Variants in NSUN7 observed in about 807,000 individuals in gnomAD.
The protein encoded by NSUN7 is protein NSUN7.
In NSUN7, 39 loss-of-function variants were observed where a neutral mutation model predicts 58.5. The observed-to-expected ratio is 0.67, with a 90% CI of 0.52 to 0.87. The LOEUF (loss-of-function observed/expected upper bound fraction) is 0.87. Ranked by LOEUF, NSUN7 falls within the 40% of genes least tolerant of loss-of-function variation. NSUN7 has a pLI of 0.00. For missense variants in NSUN7, 765 were observed against 844.1 expected (o/e 0.91, Z 1.16); for synonymous variants, 278 against 303.7 (o/e 0.92, Z 0.88).
chr4:40,804,046 T>C (rs917454935), intron 10 of NSUN7, among the ~76,000 whole-genome samples: 31 of 152,322 alleles, frequency 2.0e-4, no homozygotes, highest in African/African-American at 7.5e-4. Context: ...CCACTAATCA[T>C]AGATGCATGG....
At chr4:40,793,495 G>A (rs1328837416) in intron 8 of NSUN7, among the ~76,000 whole-genome samples, 1 of 152,088 alleles carries the variant, frequency 6.6e-6, no homozygotes, top group African/African-American at 2.4e-5. Flanking sequence ...AAAACCTCAT[G>A]AAATGTAAAA....
At chr4:40,764,633 T>A (rs1467061958) in intron 4 of NSUN7, among the ~76,000 whole-genome samples, 1 of 152,216 alleles carries the variant, frequency 6.6e-6, no homozygotes, top group African/African-American at 2.4e-5. Flanking sequence ...TTTCTAGTTC[T>A]AGATCCCTGA....
At chr4:40,804,132 T>G (rs1208266479) in intron 10 of NSUN7, among the ~76,000 whole-genome samples, 2 of 152,152 alleles carry the variant, frequency 1.3e-5, no homozygotes, top group Non-Finnish European at 2.9e-5. Flanking sequence ...AACAGCACAA[T>G]AAGAGGTTTT....
intron 9 of NSUN7, among the ~76,000 whole-genome samples, chr4:40,796,103 C>G (rs923250054): frequency 6.6e-6 from 1 of 152,198 alleles, no homozygotes; most frequent in East Asian, 1.9e-4. Flanking sequence ...CGTGGTGGCT[C>G]ATGCCTGTAA....
At position 40,790,580 on chromosome 4, in the gene NSUN7, ATTTTCTGTG is replaced by A; in HGVS notation, c.1037-17_1037-9del. The A allele has an allele frequency of 2.8e-6, 4 of 1,417,242 alleles. No individual in the cohort carries two copies. The South Asian group carries it at 5.0e-5, about 18-fold the overall frequency. 87.8% of individuals were successfully genotyped at this position (1,417,242 alleles called of 1,614,324 possible). A position where few individuals can be genotyped will look rare whatever the true frequency, so the allele number is the denominator to read the frequency against. ...ATTTTTCATTAATATTTTACATTAA[ATTTTCTGTG>A]TTTTTTCCCCAGATATTGAAATACT... On this transcript the variant is annotated splice_polypyrimidine_tract_variant and intron_variant, in intron 7 of 11. Coordinates refer to ENST00000381782, the MANE Select transcript of NSUN7 (RefSeq NM_024677.6).
At chr4:40,780,567 A>C (rs2154288004) in intron 7 of NSUN7, among the ~76,000 whole-genome samples, 1 of 151,716 alleles carries the variant, frequency 6.6e-6, no homozygotes, top group Non-Finnish European at 1.5e-5. Context: ...TGATTATGCC[A>C]CTGCGCTCTA....
intron 7 of NSUN7, among the ~76,000 whole-genome samples, chr4:40,782,833 A>G (rs1287347988): frequency 6.6e-6 from 1 of 152,186 alleles, no homozygotes; most frequent in East Asian, 1.9e-4. Context: ...ATGCCACTGC[A>G]CTCCAGCCTG....
intron 10 of NSUN7, among the ~76,000 whole-genome samples, 186 bp downstream of exon 10, chr4:40,799,090 T>TTTTG (rs1743460077): frequency 2.8e-5 from 4 of 141,274 alleles, no homozygotes; most frequent in African/African-American, 8.0e-5. Context: ...TTTTTTTTTT[T>TTTTG]TTTTTTTTTT....
At chr4:40,784,466 G>A (rs1336715502) in intron 7 of NSUN7, among the ~76,000 whole-genome samples, 3 of 152,226 alleles carry the variant, frequency 2.0e-5, no homozygotes, top group African/African-American at 7.2e-5. Flanking sequence ...TCCTAATGGT[G>A]CAAGATGGAT....
In NSUN7 at chr4:40,808,985, T is replaced by C; in HGVS notation, c.*46T>C. 6.9e-7 allele frequency: 1 copy of C among 1,455,936 alleles called. No homozygotes were observed. Among genetic ancestry groups the C allele is most frequent in the Non-Finnish European group, 9.0e-7 (1 of 1,106,562 alleles). The allele number at this position is 1,455,936 out of a possible 1,614,324, so 90.2% of individuals were successfully genotyped here. A position where few individuals can be genotyped will look rare whatever the true frequency, so the allele number is the denominator to read the frequency against. On this transcript the variant is annotated 3_prime_UTR_variant, in exon 12 of 12. Coordinates refer to ENST00000381782, the MANE Select transcript of NSUN7 (RefSeq NM_024677.6). The stretch of plus-strand genomic sequence containing the variant: ...GGGCCAAAGAGCAGTTGATTTTTTT[T>C]CAAAGTCTAGTATTTCTCTGAAGAT...
At chr4:40,808,023 C>T in intron 11 of NSUN7, among the ~76,000 whole-genome samples, 1 of 117,760 alleles carries the variant, frequency 8.5e-6, no homozygotes, top group East Asian at 2.2e-4. Flanking sequence ...AAGCAAGACT[C>T]CATCTCAAAA....
intron 7 of NSUN7, 61 bp downstream of exon 7, chr4:40,776,320 A>G (rs1233714815): frequency 8.3e-7 from 1 of 1,205,920 alleles, no homozygotes; most frequent in Non-Finnish European, 1.2e-6. Context: ...GAAACGTTAA[A>G]AAGTTTTAAT....
At chr4:40,777,261 A>G (rs954722169) in intron 7 of NSUN7, among the ~76,000 whole-genome samples, 4 of 152,216 alleles carry the variant, frequency 2.6e-5, no homozygotes, top group African/African-American at 9.6e-5. Context: ...AAGCAAAAGT[A>G]AATTCCCTCT....
intron 4 of NSUN7, among the ~76,000 whole-genome samples, chr4:40,763,594 CTG>C: frequency 6.6e-6 from 1 of 152,256 alleles, no homozygotes; most frequent in East Asian, 1.9e-4. Context: ...AAAGATTACA[CTG>C]TGGTTTCATC....
rs1742235133 is a variant in NSUN7 at position 40,775,869 on chromosome 4, T to C, written c.826-180T>C. ...AGGCTAAACAAAGTTAAGCTCTTTG[T>C]TTTAAACATCAGTTGTCTTTGTTAA... On this transcript the variant is annotated intron_variant, in intron 6 of 11. Transcript: ENST00000381782. The surrounding 1 kb of genome is among the most constrained non-coding windows in gnomAD (Gnocchi z 4.3). 6.6e-6 allele frequency among the ~76,000 whole-genome samples: 1 copy of C among 152,252 alleles called. No individual in the cohort carries two copies. The highest frequency in any genetic ancestry group is 1.5e-5 in the Non-Finnish European group (1 of 68,040).
At chr4:40,774,078 A>G (rs1028610890) in intron 4 of NSUN7, among the ~76,000 whole-genome samples, 187 bp from the exon 5 acceptor site, 1 of 152,226 alleles carries the variant, frequency 6.6e-6, no homozygotes, top group African/African-American at 2.4e-5. Flanking sequence ...GATTACAGGC[A>G]TGAGCCGCTG....
chr4:40,763,133 A>G (rs1741538061), intron 4 of NSUN7, among the ~76,000 whole-genome samples: 1 of 152,160 alleles, frequency 6.6e-6, no homozygotes, highest in African/African-American at 2.4e-5. Flanking sequence ...CCAAACTTCA[A>G]CCATTTATAT....
chr4:40,786,860 A>G (rs1318467333), intron 7 of NSUN7: 5 of 752,512 alleles, frequency 6.6e-6, no homozygotes, highest in Non-Finnish European at 6.3e-6. Context: ...CAGATGCCCA[A>G]CTCTGTTGCC....
chr4:40,781,286 A>G (rs1473739631), intron 7 of NSUN7, among the ~76,000 whole-genome samples: 1 of 152,042 alleles, frequency 6.6e-6, no homozygotes, highest in Admixed American at 6.6e-5. Context: ...CTGAGCTCAA[A>G]GTGATCCACC....
Sources: gnomAD v4.1 joint callset for allele counts (sites outside exome capture counted in the v4.1 genomes callset) on GRCh38, gnomAD v4.1.1 for gene constraint, Gnocchi (gnomAD v3.1) non-coding constraint, MANE v1.5 for transcripts, NCBI Gene and HGNC (gene_info 2026-07-23, HGNC 2026-07-21) for gene names.